BCAR3: variants seen among roughly 807,000 people sequenced by gnomAD.
The protein encoded by BCAR3 is breast cancer anti-estrogen resistance protein 3.
In BCAR3, 37 loss-of-function variants were observed where a neutral mutation model predicts 80.1. That is an observed-to-expected ratio of 0.46 (90% CI 0.36 to 0.61). The LOEUF (loss-of-function observed/expected upper bound fraction) is 0.61. Ranked by LOEUF, BCAR3 falls within the 20% of genes least tolerant of loss-of-function variation. The probability of loss-of-function intolerance (pLI) is 0.00; values close to 1 mark genes in which losing one functional copy is unlikely to be tolerated. For synonymous variants in BCAR3, 389 were observed against 418.9 expected, an observed-to-expected ratio of 0.93 and a Z score of 0.87; for missense variants, 978 against 1,068.2, an observed-to-expected ratio of 0.92 and a Z score of 1.18.
chr1:93,746,051 A>G (rs1420262952), intron 2 of BCAR3, among the ~76,000 whole-genome samples: 1 of 152,228 alleles, frequency 6.6e-6, no homozygotes, highest in African/African-American at 2.4e-5. Context: ...AGAAGGCTGC[A>G]ACTTGCACGA....
At chr1:93,739,273 G>A (rs1651098906) in intron 2 of BCAR3, among the ~76,000 whole-genome samples, 2 of 152,186 alleles carry the variant, frequency 1.3e-5, no homozygotes, top group South Asian at 2.1e-4. Context: ...GAGCCTGTGA[G>A]ATGGGAAATG....
At chr1:93,755,746 G>C (rs897732313) in intron 2 of BCAR3, among the ~76,000 whole-genome samples, 3 of 152,208 alleles carry the variant, frequency 2.0e-5, no homozygotes, top group Admixed American at 6.5e-5. Flanking sequence ...AAGATATAGA[G>C]TGAAGAGGTA....
intron 9 of BCAR3, chr1:93,571,421 C>G (rs993627798): frequency 1.8e-5 from 8 of 437,042 alleles, no homozygotes; most frequent in African/African-American, 1.4e-4. Flanking sequence ...TCACTTAAGC[C>G]TGGGAGGTGG....
chr1:93,779,622 T>TA (rs1419464743), intron 2 of BCAR3, among the ~76,000 whole-genome samples: 1 of 152,148 alleles, frequency 6.6e-6, no homozygotes, highest in Non-Finnish European at 1.5e-5. Context: ...AGGGTAGCAT[T>TA]AGTCATGTTG....
intron 2 of BCAR3, among the ~76,000 whole-genome samples, chr1:93,647,963 G>C (rs1676197395): frequency 6.6e-6 from 1 of 151,916 alleles, no homozygotes; most frequent in South Asian, 2.1e-4. Context: ...AGTAGAGATG[G>C]GGATTTCACC....
At chr1:93,790,594 A>G (rs1163327170) in intron 2 of BCAR3, among the ~76,000 whole-genome samples, 1 of 149,850 alleles carries the variant, frequency 6.7e-6, no homozygotes, top group African/African-American at 2.5e-5. Flanking sequence ...CTTTCATGTA[A>G]GATCTAAAAC....
At chr1:93,723,938 T>C (rs1385428170) in intron 2 of BCAR3, among the ~76,000 whole-genome samples, 1 of 152,186 alleles carries the variant, frequency 6.6e-6, no homozygotes, top group Admixed American at 6.5e-5. Flanking sequence ...AGATGTCGAA[T>C]TCCATTATGA....
intron 3 of BCAR3, among the ~76,000 whole-genome samples, chr1:93,610,155 G>A (rs936071986): frequency 6.6e-6 from 1 of 152,232 alleles, no homozygotes; most frequent in Non-Finnish European, 1.5e-5. Flanking sequence ...AACTAAGGAT[G>A]CAATGGGATG....
chr1:93,836,029 A>G (rs927608404), intron 2 of BCAR3, among the ~76,000 whole-genome samples: 1 of 152,230 alleles, frequency 6.6e-6, no homozygotes, highest in Admixed American at 6.5e-5. Context: ...ACCATCCTCA[A>G]TCTTCAGGAA....
chr1:93,663,694 G>C (rs754698048), intron 2 of BCAR3, among the ~76,000 whole-genome samples: 1 of 152,166 alleles, frequency 6.6e-6, no homozygotes, highest in Non-Finnish European at 1.5e-5. Flanking sequence ...TTCTGTCTTT[G>C]AATCTCCAGC....
At chr1:93,759,114 A>T (rs1038454589) in intron 2 of BCAR3, among the ~76,000 whole-genome samples, 2 of 152,188 alleles carry the variant, frequency 1.3e-5, no homozygotes, top group Non-Finnish European at 2.9e-5. Flanking sequence ...TGCAACCCAC[A>T]TCCTGCGGCA....
At chr1:93,822,618 C>A (rs953292242) in intron 2 of BCAR3, among the ~76,000 whole-genome samples, 6 of 152,090 alleles carry the variant, frequency 3.9e-5, no homozygotes, top group African/African-American at 1.2e-4. Context: ...GGATTACAGG[C>A]GTGAGCCACC....
chr1:93,582,892 C>T lies in BCAR3; in HGVS notation c.1095G>A (p.Val365=), dbSNP rs774684746. 3.7e-6 allele frequency: 6 copies of T among 1,608,614 alleles called. No homozygotes were observed. Among genetic ancestry groups the T allele is most frequent in the African/African-American group, 2.7e-5 (2 of 74,902 alleles). The change falls in exon 7 of 12, where the codon GTG becomes GTA. Residue 365 remains valine, a synonymous_variant. Transcript: ENST00000260502. ...GGGCAGGCTCGCTTCCCGTCCTGAACACAGGTGAGTTTGGGCAGGGGCTTG... is the reference window on the plus strand; with the variant it reads ...GGGCAGGCTCGCTTCCCGTCCTGAATACAGGTGAGTTTGGGCAGGGGCTTG... ...VDTSPCPNSP[V]FRTGSEPALS... is the part of the protein sequence containing the mutation.
chr1:93,647,904 C>G (rs1676194463), intron 2 of BCAR3, among the ~76,000 whole-genome samples: 1 of 151,970 alleles, frequency 6.6e-6, no homozygotes, highest in African/African-American at 2.4e-5. Context: ...TCCTGAGTAG[C>G]TGGGATCGCA....
chr1:93,707,015 A>G (rs1404237933), intron 2 of BCAR3, among the ~76,000 whole-genome samples: 1 of 151,946 alleles, frequency 6.6e-6, no homozygotes, highest in Non-Finnish European at 1.5e-5. Flanking sequence ...TCTCTACTAA[A>G]AATACAAAAA....
chr1:93,637,452 G>C (rs1675823123), intron 3 of BCAR3, among the ~76,000 whole-genome samples: 1 of 152,122 alleles, frequency 6.6e-6, no homozygotes, highest in Admixed American at 6.6e-5. Context: ...ATCGCACCCA[G>C]AGGAGATAAT....
intron 2 of BCAR3, among the ~76,000 whole-genome samples, chr1:93,750,112 T>C (rs1048757478): frequency 4.6e-5 from 7 of 152,334 alleles, no homozygotes; most frequent in South Asian, 2.1e-4. Flanking sequence ...AGGTGTGAGC[T>C]AAGTGGAAGC....
At chr1:93,687,539 T>C (rs1477329491) in intron 3 of BCAR3, among the ~76,000 whole-genome samples, 1 of 152,182 alleles carries the variant, frequency 6.6e-6, no homozygotes, top group Non-Finnish European at 1.5e-5. Context: ...ACTCCTGACC[T>C]CAAATGATCC....
chr1:93,747,223 G>A (rs78538003), intron 2 of BCAR3, among the ~76,000 whole-genome samples: 2,870 of 152,274 alleles, frequency 0.019, 100 homozygotes, highest in African/African-American at 0.066. Context: ...CTGGCAACCA[G>A]ATGCACCTGA....
Sources: gnomAD v4.1 joint callset for allele counts (sites outside exome capture counted in the v4.1 genomes callset) on GRCh38, gnomAD v4.1.1 for gene constraint, MANE v1.5 for transcripts, NCBI Gene and HGNC (gene_info 2026-07-23, HGNC 2026-07-21) for gene names.